The following SLC24A2 variants were observed in gnomAD, a reference collection of about 807,000 sequenced individuals.
SLC24A2 encodes solute carrier family 24 member 2, also known as sodium/potassium/calcium exchanger 2.
A neutral mutation model predicts 62.0 loss-of-function variants in SLC24A2; 36 were observed. The ratio of observed to expected loss-of-function variants is 0.58; its 90% CI spans 0.44 to 0.77. The LOEUF is 0.77. Ranked by LOEUF, SLC24A2 falls within the 30% of genes least tolerant of loss-of-function variation. The pLI is 0.00. For missense variants in SLC24A2, 846 were observed against 817.9 expected (o/e 1.03, Z -0.42); for synonymous variants, 358 against 294.0 (o/e 1.22, Z -2.23).
In SLC24A2 at chr9:19,622,158, G is replaced by A. The variant is rs41298206; in HGVS notation, c.969+103C>T. On this transcript the variant is annotated intron_variant, in intron 3 of 10. Coordinates refer to ENST00000341998, the MANE Select transcript of SLC24A2 (RefSeq NM_020344.4). ...GTTAGATTATTTAAGTATTCCAAGG[G>A]AGAGAGTAATGTGTTGAGCACACAA... The A allele has an allele frequency of 8.2e-3, 7,422 of 902,448 alleles. 78 individuals are homozygous for A. Among genetic ancestry groups the A allele is most frequent in the Middle Eastern group, 0.031 (146 of 4,698 alleles). The allele number at this position is 902,448 out of a possible 1,614,324, so 55.9% of individuals were successfully genotyped here.
intron 2 of SLC24A2, among the ~76,000 whole-genome samples, chr9:19,720,700 C>CAA (rs11455984): frequency 0.055 from 7,546 of 137,254 alleles, 339 homozygotes; most frequent in Non-Finnish European, 0.084. Flanking sequence ...CCCCCCCCCC[C>CAA]AAAAAAAATC....
chr9:19,784,541 T>C (rs1195110647), intron 2 of SLC24A2, among the ~76,000 whole-genome samples: 1 of 152,196 alleles, frequency 6.6e-6, no homozygotes, highest in Non-Finnish European at 1.5e-5. Context: ...TTCAGTACTT[T>C]AATTGGAATA....
the SLC24A2 span, among the ~76,000 whole-genome samples, chr9:19,834,061 C>T: frequency 6.6e-6 from 1 of 152,128 alleles, no homozygotes. Flanking sequence ...ACCTCCACCC[C>T]AAAAACCCAT....
At chr9:19,652,724 T>A (rs571706685) in intron 2 of SLC24A2, among the ~76,000 whole-genome samples, 1 of 152,200 alleles carries the variant, frequency 6.6e-6, no homozygotes, top group Non-Finnish European at 1.5e-5. Flanking sequence ...CTGGTAATAA[T>A]AGGAATTTAA....
At chr9:20,085,149 C>T in the SLC24A2 span, among the ~76,000 whole-genome samples, 1 of 152,152 alleles carries the variant, frequency 6.6e-6, no homozygotes, top group African/African-American at 2.4e-5. Context: ...GAGAGCACCA[C>T]TATGCCCAGC....
the SLC24A2 span, among the ~76,000 whole-genome samples, chr9:20,083,967 C>A: frequency 6.6e-6 from 1 of 152,186 alleles, no homozygotes; most frequent in African/African-American, 2.4e-5. Flanking sequence ...TTCCATATAC[C>A]TATTGCTCCT....
the SLC24A2 span, among the ~76,000 whole-genome samples, chr9:20,026,825 T>G: frequency 6.6e-6 from 1 of 152,038 alleles, no homozygotes; most frequent in Non-Finnish European, 1.5e-5. Context: ...AACAGACAAA[T>G]GGGATTATGT....
chr9:19,843,874 C>T, the SLC24A2 span, among the ~76,000 whole-genome samples: 10 of 152,068 alleles, frequency 6.6e-5, no homozygotes, highest in South Asian at 4.1e-4. Flanking sequence ...TTTATGGCTG[C>T]GAAGAATTCC....
Position 19,671,929 on chromosome 9 carries a change from T to C in SLC24A2, c.931-49630A>G, listed in dbSNP as rs941823678. On this transcript the variant is annotated intron_variant, in intron 2 of 10. Coordinates refer to ENST00000341998, the MANE Select transcript of SLC24A2 (RefSeq NM_020344.4). ...CCAATTGATTATGGTGGATTTTTTTTTGATATGCTTTTGGGTTTGGTTAGC... is the reference window on the plus strand; with the variant it reads ...CCAATTGATTATGGTGGATTTTTTTCTGATATGCTTTTGGGTTTGGTTAGC... 4.1e-5 allele frequency among the ~76,000 whole-genome samples: 6 copies of C among 146,562 alleles called. 1 individual carries two copies. The highest frequency in any genetic ancestry group is 1.6e-4 in the African/African-American group (6 of 37,188).
chr9:19,999,164 A>C, the SLC24A2 span, among the ~76,000 whole-genome samples: 1 of 152,364 alleles, frequency 6.6e-6, no homozygotes, highest in South Asian at 2.1e-4. Context: ...GTTTAGTGCA[A>C]GACTTGGAGC....
At chr9:20,096,152 C>G in the SLC24A2 span, among the ~76,000 whole-genome samples, 2 of 152,056 alleles carry the variant, frequency 1.3e-5, no homozygotes, top group Admixed American at 1.3e-4. Context: ...ATGGAGAACC[C>G]TAAAACAGAA....
intron 6 of SLC24A2, among the ~76,000 whole-genome samples, chr9:19,574,250 G>A (rs1220971722): frequency 2.0e-5 from 3 of 152,194 alleles, no homozygotes; most frequent in Admixed American, 1.3e-4. Flanking sequence ...AGGCAAGGGG[G>A]AGCTCGACAA....
the SLC24A2 span, among the ~76,000 whole-genome samples, chr9:19,891,623 G>A: frequency 1.3e-5 from 2 of 152,132 alleles, no homozygotes; most frequent in Non-Finnish European, 2.9e-5. Context: ...ACTCATGCCT[G>A]TAATCCCAGT....
chr9:19,610,923 C>T (rs908308655), intron 4 of SLC24A2, among the ~76,000 whole-genome samples: 8 of 152,210 alleles, frequency 5.3e-5, no homozygotes, highest in African/African-American at 1.7e-4. Context: ...TAGAGCCAAG[C>T]CTGCCCTGAG....
intron 7 of SLC24A2, among the ~76,000 whole-genome samples, chr9:19,553,074 G>A (rs1035363250): frequency 6.6e-6 from 1 of 152,184 alleles, no homozygotes; most frequent in Non-Finnish European, 1.5e-5. Flanking sequence ...CAGGAACCTA[G>A]AATCCTGGGG....
the SLC24A2 span, among the ~76,000 whole-genome samples, chr9:20,183,808 G>C: frequency 6.6e-6 from 1 of 152,142 alleles, no homozygotes; most frequent in Non-Finnish European, 1.5e-5. Flanking sequence ...GGGTCAAGTA[G>C]CCCCAGATTA....
At chr9:19,559,360 C>T (rs1835278780) in intron 7 of SLC24A2, among the ~76,000 whole-genome samples, 1 of 152,162 alleles carries the variant, frequency 6.6e-6, no homozygotes, top group South Asian at 2.1e-4. Flanking sequence ...CTTATTCTCT[C>T]AGGCAATGTG....
the SLC24A2 span, among the ~76,000 whole-genome samples, chr9:20,245,878 A>G: frequency 7.9e-5 from 12 of 152,122 alleles, no homozygotes; most frequent in African/African-American, 2.9e-4. Flanking sequence ...ACTACCCTAT[A>G]ATTTAGGTAC....
At chr9:19,567,970 A>C (rs1485138289) in intron 7 of SLC24A2, among the ~76,000 whole-genome samples, 1 of 152,194 alleles carries the variant, frequency 6.6e-6, no homozygotes, top group African/African-American at 2.4e-5. Context: ...ATGTGAAATT[A>C]GTTCACTTGT....
Sources: gnomAD v4.1 joint callset for allele counts (sites outside exome capture counted in the v4.1 genomes callset) on GRCh38, gnomAD v4.1.1 for gene constraint, MANE v1.5 for transcripts, NCBI Gene and HGNC (gene_info 2026-07-23, HGNC 2026-07-21) for gene names.